ANKH: variants seen among roughly 807,000 people sequenced by gnomAD.
ANKH encodes the protein mineralization regulator ANKH.
Under a neutral mutation model 49.0 loss-of-function variants are expected in ANKH, and 15 were observed. That is an observed-to-expected ratio of 0.31 (90% CI 0.20 to 0.47). The LOEUF is 0.47. Among genes scored for constraint, ANKH ranks in the 20% least tolerant of loss-of-function variants. ANKH has a pLI of 1.00. For synonymous variants in ANKH, 273 were observed against 260.0 expected, an observed-to-expected ratio of 1.05 and a Z score of -0.48; for missense variants, 429 against 652.0, an observed-to-expected ratio of 0.66 and a Z score of 3.72.
Position 14,758,536 on chromosome 5 carries a change from T to C in ANKH, c.376A>G (p.Ser126Gly), listed in dbSNP as rs368172285. The change falls in exon 3 of 12, where the codon AGC becomes GGC. Residue 126 changes from serine (S) to glycine (G), a missense_variant. Coordinates refer to ENST00000284268, the MANE Select transcript of ANKH (RefSeq NM_054027.6). ...TACAGGAAGGCCCTTCTCGTCTTGC[T>C]CCCCACCGACTCGTCCACATGGTGC... ...KLHHVDESVG[S>G]KTRRAFLYLA... 47 of 1,614,036 alleles carry C rather than the reference T, an allele frequency of 2.9e-5. No individual in the cohort carries two copies. The highest frequency in any genetic ancestry group is 3.6e-5 in the Non-Finnish European group (42 of 1,180,036).
intron 1 of ANKH, among the ~76,000 whole-genome samples, chr5:14,837,055 T>A (rs892947564): frequency 1.2e-4 from 19 of 152,314 alleles, no homozygotes; most frequent in Non-Finnish European, 2.6e-4. Context: ...CTGGGAAAAC[T>A]GGCTAGCCAT....
intron 8 of ANKH, among the ~76,000 whole-genome samples, chr5:14,735,300 A>C (rs1300973053): frequency 6.6e-6 from 1 of 152,230 alleles, no homozygotes; most frequent in African/African-American, 2.4e-5. Flanking sequence ...ACACTGCATA[A>C]AGTACTATAT....
At chr5:14,818,271 T>C (rs888748239) in intron 1 of ANKH, among the ~76,000 whole-genome samples, 1 of 152,080 alleles carries the variant, frequency 6.6e-6, no homozygotes, top group Non-Finnish European at 1.5e-5. Context: ...GCAGGATCAG[T>C]AGGAGGAGAA....
At chr5:14,809,262 C>T (rs1740799117) in intron 1 of ANKH, among the ~76,000 whole-genome samples, 1 of 120,892 alleles carries the variant, frequency 8.3e-6, no homozygotes, top group Non-Finnish European at 1.6e-5. Flanking sequence ...GTGCAGCGCA[C>T]CAGCATGGCA....
intron 6 of ANKH, among the ~76,000 whole-genome samples, chr5:14,748,851 AG>A (rs2126479494): frequency 6.6e-6 from 1 of 152,384 alleles, no homozygotes; most frequent in African/African-American, 2.4e-5. Context: ...AGTGGGAGTC[AG>A]AAAACCTGGA....
intron 9 of ANKH, 82 bp downstream of exon 9, chr5:14,716,624 A>G (rs1737472224): frequency 1.9e-6 from 3 of 1,583,732 alleles, no homozygotes; most frequent in Non-Finnish European, 2.6e-6. Flanking sequence ...TGTTGGTGAC[A>G]TAATTGCAAA....
intron 1 of ANKH, among the ~76,000 whole-genome samples, chr5:14,794,307 G>C (rs1740302307): frequency 6.6e-6 from 1 of 152,236 alleles, no homozygotes; most frequent in Non-Finnish European, 1.5e-5. Flanking sequence ...TGTGTGCCCA[G>C]CACTGACTGT....
intron 1 of ANKH, among the ~76,000 whole-genome samples, chr5:14,793,866 T>C (rs935774426): frequency 1.3e-5 from 2 of 152,202 alleles, no homozygotes; most frequent in Non-Finnish European, 2.9e-5. Flanking sequence ...TCACTGCATT[T>C]CTGTGTGGCT....
Position 14,769,177 on chromosome 5 carries a change from G to A in ANKH, c.111C>T (p.Gly37=). 6.2e-7 allele frequency: 1 copy of A among 1,613,750 alleles called. No individual in the cohort carries two copies. Residue 37 remains glycine, a synonymous_variant, in exon 2 of 12, where the codon GGC becomes GGT. Transcript: ENST00000284268. ...IDFGEQALNR[G]IAAVKEDAVE... ...CTGCATCCTCCTTGACAGCAGCAAT[G>A]CCCCGGTTCAAGGCCTGGGAAGGGG...
chr5:14,809,354 A>AAAAAAAAAAAG (rs1561065397), intron 1 of ANKH, among the ~76,000 whole-genome samples: 4 of 130,292 alleles, frequency 3.1e-5, no homozygotes, highest in East Asian at 5.5e-4. Flanking sequence ...AAAAAAAAAA[A>AAAAAAAAAAAG]AAAGAAAAAA....
At chr5:14,781,774 T>C (rs771215188) in intron 1 of ANKH, among the ~76,000 whole-genome samples, 3 of 152,216 alleles carry the variant, frequency 2.0e-5, no homozygotes, top group Non-Finnish European at 4.4e-5. Flanking sequence ...TCCTGTGCCA[T>C]TTAAGAATGC....
chr5:14,784,464 G>A (rs567872992), intron 1 of ANKH, among the ~76,000 whole-genome samples: 10 of 152,268 alleles, frequency 6.6e-5, no homozygotes, highest in South Asian at 2.1e-4. Flanking sequence ...GGTGAGTGGC[G>A]GTGCACGGCC....
chr5:14,715,851 A>G (rs181568282), intron 9 of ANKH, among the ~76,000 whole-genome samples: 67 of 152,360 alleles, frequency 4.4e-4, no homozygotes, highest in Non-Finnish European at 3.1e-4. Context: ...GCTTGGTATA[A>G]TAACTTTCCA....
intron 1 of ANKH, among the ~76,000 whole-genome samples, chr5:14,865,086 C>A (rs1267588348): frequency 6.6e-6 from 1 of 152,090 alleles, no homozygotes; most frequent in Admixed American, 6.6e-5. Flanking sequence ...CATGGAGAAA[C>A]CCTGTCACTA....
chr5:14,773,863 C>T (rs1488970634), intron 1 of ANKH, among the ~76,000 whole-genome samples: 2 of 152,166 alleles, frequency 1.3e-5, no homozygotes, highest in Admixed American at 6.5e-5. Flanking sequence ...TTTTCTACCA[C>T]GAACTTAAGT....
intron 7 of ANKH, among the ~76,000 whole-genome samples, chr5:14,743,925 G>T (rs1244525606): frequency 6.6e-6 from 1 of 152,148 alleles, no homozygotes; most frequent in Non-Finnish European, 1.5e-5. Context: ...TTTCAAGGTG[G>T]CCAAAAATAA....
chr5:14,761,421 G>C lies in ANKH; in HGVS notation c.314-2823C>G, dbSNP rs576535738. 2.0e-5 allele frequency among the ~76,000 whole-genome samples: 3 copies of C among 152,270 alleles called. No individual in the cohort carries two copies. The East Asian group carries it at 5.8e-4, about 29-fold the overall frequency. On this transcript the variant is annotated intron_variant, in intron 2 of 11. Coordinates refer to ENST00000284268, the MANE Select transcript of ANKH (RefSeq NM_054027.6). ...ATGTGAGTTTCAGCAGCTGAGAGCAGGGCATGCAGTCTGCATGTAGCGCCC... is the reference window on the plus strand; with the variant it reads ...ATGTGAGTTTCAGCAGCTGAGAGCACGGCATGCAGTCTGCATGTAGCGCCC...
rs555153194 is a variant in ANKH at position 14,723,659 on chromosome 5, GGAA to G, written c.1012-6827_1012-6825del. 1.1e-4 allele frequency among the ~76,000 whole-genome samples: 17 copies of G among 152,262 alleles called. 1 individual carries two copies. The South Asian group carries it at 2.1e-3, about 19-fold the overall frequency. The stretch of plus-strand genomic sequence containing the variant: ...CAAAAATTAAAGGAGAAAAAAAGAA[GGAA>G]GAAGAAGATGACGATTCATAATTCA... On this transcript the variant is annotated intron_variant, in intron 8 of 11. Coordinates refer to ENST00000284268, the MANE Select transcript of ANKH (RefSeq NM_054027.6).
chr5:14,774,076 C>A (rs1198899870), intron 1 of ANKH, among the ~76,000 whole-genome samples: 1 of 152,192 alleles, frequency 6.6e-6, no homozygotes, highest in Non-Finnish European at 1.5e-5. Flanking sequence ...AGGACATGAG[C>A]TACATTCATA....
Sources: allele counts gnomAD v4.1 joint callset (sites outside exome capture counted in the v4.1 genomes callset), GRCh38; gene constraint gnomAD v4.1.1; transcripts MANE v1.5; gene names NCBI Gene and HGNC (gene_info 2026-07-23, HGNC 2026-07-21).